The following NDE1 variants were observed in gnomAD, a reference collection of about 807,000 sequenced individuals.
The protein encoded by NDE1 is nudE neurodevelopment protein 1.
NDE1 carries 28 observed loss-of-function variants against 43.4 expected under a neutral mutation model. The ratio of observed to expected loss-of-function variants is 0.65; its 90% CI spans 0.48 to 0.89. NDE1 has a LOEUF of 0.89. NDE1 is among the 40% of genes least tolerant of loss of function. The pLI is 0.00. For missense variants in NDE1, 441 were observed against 434.1 expected (o/e 1.02, Z -0.14); for synonymous variants, 184 against 172.0 (o/e 1.07, Z -0.55).
chr16:15,688,689 CTTTTTTTTTTT>C (rs1194565114), intron 5 of NDE1, among the ~76,000 whole-genome samples: 6 of 59,996 alleles, frequency 1.0e-4, no homozygotes, highest in East Asian at 5.2e-4. Context: ...TTGTTTTTAC[CTTTTTTTTTTT>C]TTTTTTTTTT....
chr16:15,708,474 T>G (rs953019687), intron 8 of NDE1, among the ~76,000 whole-genome samples: 1 of 152,170 alleles, frequency 6.6e-6, no homozygotes, highest in Non-Finnish European at 1.5e-5. Context: ...GAGTGGCTTT[T>G]GGCATGAAAG....
chr16:15,669,967 A>G (rs2037509404), intron 3 of NDE1, among the ~76,000 whole-genome samples: 1 of 152,218 alleles, frequency 6.6e-6, no homozygotes, highest in South Asian at 2.1e-4. Flanking sequence ...TGTAGGGCTC[A>G]GCAAGGGATC....
At chr16:15,692,641 C>G (rs1596626366) in intron 6 of NDE1, among the ~76,000 whole-genome samples, 1 of 152,154 alleles carries the variant, frequency 6.6e-6, no homozygotes, top group Non-Finnish European at 1.5e-5. Flanking sequence ...AACTACTGAC[C>G]TCAGGTGATC....
upstream of NDE1, among the ~76,000 whole-genome samples, chr16:15,648,435 G>A (rs372102815): frequency 2.3e-4 from 35 of 152,164 alleles, no homozygotes; most frequent in Non-Finnish European, 4.0e-4. Flanking sequence ...ATGGTGGCTT[G>A]ATTTTATTTA....
chr16:15,706,582 C>T (rs1009504959), intron 8 of NDE1, among the ~76,000 whole-genome samples: 5 of 152,070 alleles, frequency 3.3e-5, no homozygotes, highest in African/African-American at 1.2e-4. Context: ...TGGCAGGCGC[C>T]TGGAATCCCA....
chr16:15,676,251 G>A (rs1420674925), intron 3 of NDE1, among the ~76,000 whole-genome samples: 4 of 119,196 alleles, frequency 3.4e-5, no homozygotes, highest in Non-Finnish European at 4.9e-5. Flanking sequence ...TTGAGACAGA[G>A]TCTCGCTGTT....
At chr16:15,703,983 A>G in intron 8 of NDE1, 3 of 1,613,860 alleles carry the variant, frequency 1.9e-6, no homozygotes, top group Non-Finnish European at 2.5e-6. Flanking sequence ...AAAACTGTAG[A>G]AAGTTGCTTA....
chr16:15,687,086 T>G, intron 4 of NDE1: 1 of 1,282,758 alleles, frequency 7.8e-7, no homozygotes. Context: ...AAATGCCACA[T>G]GCAGTCCTGA....
chr16:15,664,657 GT>G (rs372702195), intron 1 of NDE1, 78 bp from the exon 2 acceptor site: 50,334 of 698,050 alleles, frequency 0.072, no homozygotes, highest in Middle Eastern at 0.09. Context: ...GCCTGGCCAA[GT>G]TTTTTTTTTT....
At chr16:15,677,726 G>C in intron 3 of NDE1, 75 bp from the exon 4 acceptor site, 4 of 1,549,716 alleles carry the variant, frequency 2.6e-6, no homozygotes, top group African/African-American at 1.4e-5. Flanking sequence ...TGTGACTCCA[G>C]GTGGATGTGT....
chr16:15,683,028 A>T (rs1396621458), intron 4 of NDE1, among the ~76,000 whole-genome samples: 13 of 150,694 alleles, frequency 8.6e-5, no homozygotes, highest in African/African-American at 3.2e-4. Flanking sequence ...TTTTTTTTTT[A>T]AAGAGATGGG....
Position 15,681,600 on chromosome 16 carries a change from T to TC in NDE1, c.386+3654dup, listed in dbSNP as rs764831559. On this transcript the variant is annotated intron_variant, in intron 4 of 8. Transcript: ENST00000396354. ...AAATTGGGTTGTTCGTTGTTTTTTTTCCCATGATTTCTAGGAGATTTTTAT... is the reference window on the plus strand; with the variant it reads ...AAATTGGGTTGTTCGTTGTTTTTTTTCCCCATGATTTCTAGGAGATTTTTAT... 1.2e-3 allele frequency among the ~76,000 whole-genome samples: 190 copies of TC among 152,276 alleles called. 1 individual carries two copies. Among genetic ancestry groups the TC allele is most frequent in the Middle Eastern group, 3.4e-3 (1 of 294 alleles).
intron 8 of NDE1, chr16:15,714,065 C>G (rs889771384): frequency 6.6e-6 from 1 of 152,342 alleles, no homozygotes; most frequent in Non-Finnish European, 1.5e-5. Flanking sequence ...GTCAAGGAAC[C>G]GAGAGGCTGC....
chr16:15,719,117 A>G (rs2040327442), intron 8 of NDE1: 1 of 1,154,504 alleles, frequency 8.7e-7, no homozygotes, highest in Admixed American at 1.9e-5. Flanking sequence ...GACAGAATGA[A>G]ACTCTGTCTC....
chr16:15,712,694 G>C (rs1378800657), intron 8 of NDE1, among the ~76,000 whole-genome samples: 1 of 151,922 alleles, frequency 6.6e-6, no homozygotes, highest in Non-Finnish European at 1.5e-5. Context: ...CCCACAGGTC[G>C]GGGGACAAGC....
intron 3 of NDE1, among the ~76,000 whole-genome samples, chr16:15,673,424 CA>C (rs906092818): frequency 6.6e-6 from 1 of 152,018 alleles, no homozygotes; most frequent in African/African-American, 2.4e-5. Flanking sequence ...AGGCTGTTCT[CA>C]AACTCCTGAC....
intron 4 of NDE1, among the ~76,000 whole-genome samples, chr16:15,680,654 C>G (rs982686949): frequency 6.6e-6 from 1 of 152,138 alleles, no homozygotes; most frequent in Non-Finnish European, 1.5e-5. Context: ...ATTCTCCTGC[C>G]TCAGCCTCCC....
intron 1 of NDE1, among the ~76,000 whole-genome samples, chr16:15,658,076 C>A (rs2036858733): frequency 1.3e-5 from 2 of 152,166 alleles, no homozygotes; most frequent in South Asian, 4.1e-4. Context: ...ATTGTCAGGA[C>A]CCAGGCTCTC....
At chr16:15,656,373 C>T (rs939939182) in intron 1 of NDE1, among the ~76,000 whole-genome samples, 4 of 152,084 alleles carry the variant, frequency 2.6e-5, no homozygotes, top group Non-Finnish European at 5.9e-5. Flanking sequence ...AATCCAAAAC[C>T]AGATCCCTCC....
Sources: gnomAD v4.1 joint callset for allele counts (sites outside exome capture counted in the v4.1 genomes callset) on GRCh38, gnomAD v4.1.1 for gene constraint, MANE v1.5 for transcripts, NCBI Gene and HGNC (gene_info 2026-07-23, HGNC 2026-07-21) for gene names.